Variants in ANGPT1 observed in about 807,000 individuals in gnomAD.
The protein encoded by ANGPT1 is angiopoietin-1.
Under a neutral mutation model 62.2 loss-of-function variants are expected in ANGPT1, and 17 were observed. The ratio of observed to expected loss-of-function variants is 0.27; its 90% CI spans 0.19 to 0.41. The LOEUF is 0.41. ANGPT1 is among the 10% of genes least tolerant of loss of function. ANGPT1 has a pLI of 1.00. For missense variants in ANGPT1, 478 were observed against 594.9 expected (o/e 0.80, Z 2.04); for synonymous variants, 199 against 198.9 (o/e 1.00, Z 0.00).
intron 1 of ANGPT1, among the ~76,000 whole-genome samples, chr8:107,362,694 G>C (rs1240589609): frequency 6.6e-6 from 1 of 152,122 alleles, no homozygotes; most frequent in African/African-American, 2.4e-5. Context: ...TTTAATATGA[G>C]ATGTGTTATA....
chr8:107,269,491 A>T (rs996424800), intron 7 of ANGPT1, among the ~76,000 whole-genome samples: 1 of 152,070 alleles, frequency 6.6e-6, no homozygotes, highest in Non-Finnish European at 1.5e-5. Flanking sequence ...AAATCAATAT[A>T]CAGGATGGCT....
At chr8:107,447,180 G>T (rs1201354171) in intron 1 of ANGPT1, among the ~76,000 whole-genome samples, 5 of 152,046 alleles carry the variant, frequency 3.3e-5, no homozygotes, top group African/African-American at 1.2e-4. Flanking sequence ...TTGTCTCCTT[G>T]CTCATGCCCT....
chr8:107,394,275 C>T (rs1816891744), intron 1 of ANGPT1, among the ~76,000 whole-genome samples: 1 of 152,152 alleles, frequency 6.6e-6, no homozygotes, highest in Non-Finnish European at 1.5e-5. Context: ...TTGATCAATG[C>T]ATTTTAGGGA....
Position 107,249,500 on chromosome 8 carries a change from C to T in ANGPT1, c.*2355G>A, listed in dbSNP as rs1340480236. 1 of 152,134 alleles carries T rather than the reference C, an allele frequency of 6.6e-6. No individual in the cohort carries two copies. The highest frequency in any genetic ancestry group is 1.5e-5 in the Non-Finnish European group (1 of 68,018). 9.4% of individuals were successfully genotyped at this position (152,134 alleles called of 1,614,324 possible). On this transcript the variant is annotated 3_prime_UTR_variant, in exon 9 of 9. Transcript: ENST00000517746. ...AATGAAGTTGCACAAATATTACTTT[C>T]AATTTTATTTAAATCAAATAATGTT...
At chr8:107,325,190 C>A (rs897341880) in intron 3 of ANGPT1, among the ~76,000 whole-genome samples, 3 of 152,180 alleles carry the variant, frequency 2.0e-5, no homozygotes, top group African/African-American at 7.2e-5. Flanking sequence ...TTTCATCCCA[C>A]CTACTGGGGT....
intron 1 of ANGPT1, among the ~76,000 whole-genome samples, chr8:107,406,693 C>G (rs1452668189): frequency 6.6e-6 from 1 of 151,894 alleles, no homozygotes; most frequent in Non-Finnish European, 1.5e-5. Context: ...CTTTTCTGTG[C>G]TCCCTTTTTG....
intron 1 of ANGPT1, among the ~76,000 whole-genome samples, chr8:107,465,956 T>TTG (rs1388322418): frequency 1.3e-5 from 2 of 152,182 alleles, no homozygotes; most frequent in Non-Finnish European, 2.9e-5. Flanking sequence ...AGGACTTCTA[T>TTG]CTGGGAGGGC....
intron 4 of ANGPT1, among the ~76,000 whole-genome samples, chr8:107,308,587 T>G (rs1814776718): frequency 6.6e-6 from 1 of 152,114 alleles, no homozygotes; most frequent in African/African-American, 2.4e-5. Flanking sequence ...GAAGGCTACC[T>G]AGAAGAGATA....
At chr8:107,488,829 G>A (rs1250532045) in intron 1 of ANGPT1, among the ~76,000 whole-genome samples, 1 of 152,106 alleles carries the variant, frequency 6.6e-6, no homozygotes, top group Non-Finnish European at 1.5e-5. Flanking sequence ...AAAACCTACT[G>A]AACTTTAATC....
At chr8:107,414,661 C>T (rs375655520) in intron 1 of ANGPT1, among the ~76,000 whole-genome samples, 41 of 152,270 alleles carry the variant, frequency 2.7e-4, no homozygotes, top group African/African-American at 9.1e-4. Context: ...AACCAGGCAA[C>T]TTGTTAAGAT....
intron 1 of ANGPT1, among the ~76,000 whole-genome samples, chr8:107,408,084 A>C (rs2130348537): frequency 6.6e-6 from 1 of 151,088 alleles, no homozygotes; most frequent in African/African-American, 2.4e-5. Flanking sequence ...TTACAAAAAA[A>C]TAAAAATGAT....
intron 1 of ANGPT1, among the ~76,000 whole-genome samples, chr8:107,347,601 CGATAAATAA>C (rs1815834109): frequency 6.6e-6 from 1 of 151,762 alleles, no homozygotes; most frequent in Non-Finnish European, 1.5e-5. Flanking sequence ...ATTTTTGTAA[CGATAAATAA>C]AATATCACAC....
At chr8:107,341,316 G>A (rs184164870) in intron 2 of ANGPT1, among the ~76,000 whole-genome samples, 2 of 152,060 alleles carry the variant, frequency 1.3e-5, no homozygotes, top group Admixed American at 1.3e-4. Flanking sequence ...TCATAATAAA[G>A]AAATATTCAG....
At chr8:107,366,903 C>T (rs573518222) in intron 1 of ANGPT1, among the ~76,000 whole-genome samples, 1 of 152,240 alleles carries the variant, frequency 6.6e-6, no homozygotes, top group East Asian at 1.9e-4. Flanking sequence ...CTCTGTCTCT[C>T]TGATCACTCA....
At chr8:107,281,389 A>G (rs528413965) in intron 7 of ANGPT1, among the ~76,000 whole-genome samples, 4 of 152,340 alleles carry the variant, frequency 2.6e-5, no homozygotes, top group South Asian at 2.1e-4. Flanking sequence ...AATATAAAAC[A>G]AAAACCTAGT....
At chr8:107,436,373 A>G (rs1811333642) in intron 1 of ANGPT1, among the ~76,000 whole-genome samples, 1 of 152,174 alleles carries the variant, frequency 6.6e-6, no homozygotes, top group Non-Finnish European at 1.5e-5. Context: ...GGAAATTTAC[A>G]TTGCATTCAT....
intron 1 of ANGPT1, among the ~76,000 whole-genome samples, chr8:107,470,056 G>C (rs1240978693): frequency 2.0e-5 from 3 of 151,958 alleles, no homozygotes; most frequent in Non-Finnish European, 4.4e-5. Flanking sequence ...CCTTATAACT[G>C]TTATAGAATA....
At position 107,250,179 on chromosome 8, in the gene ANGPT1, T is replaced by C. The variant is rs374681967; in HGVS notation, c.*1676A>G. 1 of 152,346 alleles carries C rather than the reference T, an allele frequency of 6.6e-6. No homozygotes were observed. The highest frequency in any genetic ancestry group is 1.9e-4 in the East Asian group (1 of 5,190). The allele number at this position is 152,346 out of a possible 1,614,324, so 9.4% of individuals were successfully genotyped here. On this transcript the variant is annotated 3_prime_UTR_variant, in exon 9 of 9. Transcript: ENST00000517746. ...ACCTTGCCAACAACTGTCTCTTTTA[T>C]GAGAGGAGGCCCAGTAGCTTTATTT...
chr8:107,384,319 T>C (rs2130283663), intron 1 of ANGPT1, among the ~76,000 whole-genome samples: 1 of 152,220 alleles, frequency 6.6e-6, no homozygotes, highest in East Asian at 1.9e-4. Flanking sequence ...ACTTTTCTGA[T>C]TCTCAATAAT....
Sources: allele counts gnomAD v4.1 joint callset (sites outside exome capture counted in the v4.1 genomes callset), GRCh38; gene constraint gnomAD v4.1.1; transcripts MANE v1.5; gene names NCBI Gene and HGNC (gene_info 2026-07-23, HGNC 2026-07-21).